RTTN: variants seen among roughly 807,000 people sequenced by gnomAD.
RTTN encodes the protein rotatin.
RTTN carries 182 observed loss-of-function variants against 269.2 expected under a neutral mutation model. The ratio of observed to expected loss-of-function variants is 0.68; its 90% confidence interval spans 0.60 to 0.76. The LOEUF (loss-of-function observed/expected upper bound fraction) is 0.76. Ranked by LOEUF, RTTN falls within the 30% of genes least tolerant of loss-of-function variation. The pLI, the probability that RTTN is intolerant of heterozygous loss-of-function variation, is 0.00. For missense variants in RTTN, 2,545 were observed against 2,608.6 expected, an observed-to-expected ratio of 0.98 and a Z score of 0.53; for synonymous variants, 1,006 against 963.5, an observed-to-expected ratio of 1.04 and a Z score of -0.82.
chr18:70,100,771 G>A (rs1443295601), intron 28 of RTTN, among the ~76,000 whole-genome samples: 1 of 152,126 alleles, frequency 6.6e-6, no homozygotes, highest in Non-Finnish European at 1.5e-5. Context: ...AATTTACTGA[G>A]AGTTTTTAGC....
intron 29 of RTTN, among the ~76,000 whole-genome samples, 193 bp downstream of exon 29, chr18:70,092,483 T>A (rs2058877003): frequency 6.6e-6 from 1 of 152,166 alleles, no homozygotes; most frequent in Admixed American, 6.5e-5. Flanking sequence ...TTGAATCAAT[T>A]TCAAATAAGA....
rs368406992 is a variant in RTTN at position 70,205,286 on chromosome 18, C to A, written c.61G>T (p.Ala21Ser). ...GHQLAEIRER[A>S]LKSILCKIEH... is the part of the protein sequence containing the mutation. The stretch of plus-strand genomic sequence containing the variant: ...ATCTTGCAGAGAATACTCTTGAGAG[C>A]GCGCTCCCTGATCTCGGCCAGCTGA... The change falls in exon 2 of 49, where the codon GCT (alanine) becomes TCT (serine). Residue 21 changes from alanine to serine, a missense_variant. Ala to Ser is a moderately conservative substitution (Grantham distance 99). Transcript: ENST00000640769. 32 of 1,614,072 alleles carry A rather than the reference C, an allele frequency of 2.0e-5. No homozygotes were observed. Among genetic ancestry groups the A allele is most frequent in the Non-Finnish European group, 2.5e-5 (30 of 1,180,040 alleles).
rs2060979744 is a variant in RTTN at position 70,166,135 on chromosome 18, A to ATTCT, written c.1855_1856insAGAA (p.Leu619GlnfsTer16). The ATTCT allele has an allele frequency of 1.2e-6, 2 of 1,613,726 alleles. No individual in the cohort carries two copies. Among genetic ancestry groups the ATTCT allele is most frequent in the African/African-American group, 1.3e-5 (1 of 74,932 alleles). Reference sequence around the variant, plus strand: ...CAATGGGTGAGACAACATATGGAGAAGCACCTTCTGACTTTCTCCTTGTAG... The same window carrying ATTCT: ...CAATGGGTGAGACAACATATGGAGAATTCTGCACCTTCTGACTTTCTCCTTGTAG... On this transcript the variant is annotated frameshift_variant, in exon 14 of 49. Coordinates refer to ENST00000640769, the MANE Select transcript of RTTN (RefSeq NM_173630.4). LOFTEE classifies it high-confidence loss of function.
At chr18:70,187,591 A>G (rs1467582911) in intron 10 of RTTN, among the ~76,000 whole-genome samples, 1 of 152,216 alleles carries the variant, frequency 6.6e-6, no homozygotes, top group Non-Finnish European at 1.5e-5. Flanking sequence ...GTATATCCTT[A>G]GTGAGATTAG....
Position 70,149,998 on chromosome 18 carries a change from A to G in RTTN, c.2145T>C (p.Ser715=). The G allele has an allele frequency of 6.2e-7, 1 of 1,611,836 alleles. No homozygotes were observed. Among genetic ancestry groups the G allele is most frequent in the Non-Finnish European group, 8.5e-7 (1 of 1,178,042 alleles). The change falls in exon 16 of 49, where the codon TCT becomes TCC. Residue 715 remains serine (S), a synonymous_variant. Transcript: ENST00000640769. ...TALTWNKFIE[S]LCPVIPILQG... ...GTAGTATTGGGATGACAGGACAGAG[A>G]GATTCAATAAACTTGTTCCAGGTCA...
chr18:70,016,182 C>A lies in RTTN; in HGVS notation c.6421+1225G>T, dbSNP rs867081575. On this transcript the variant is annotated intron_variant, in intron 46 of 48. Coordinates refer to ENST00000640769, the MANE Select transcript of RTTN (RefSeq NM_173630.4). ...AGCAGTTGATTATCAGAATGCTTAT[C>A]AGAAAAATAGAATCACAACTATATA... Among the ~76,000 whole-genome samples, 76 of 143,284 alleles carry A rather than the reference C, an allele frequency of 5.3e-4. 1 individual carries two copies. The highest frequency in any genetic ancestry group is 1.9e-3 in the African/African-American group (76 of 40,932). 94.0% of individuals were successfully genotyped at this position (143,284 alleles called of 152,430 possible). A position where few individuals can be genotyped will look rare whatever the true frequency, so the allele number is the denominator to read the frequency against.
intron 37 of RTTN, among the ~76,000 whole-genome samples, chr18:70,056,046 T>C (rs2057808068): frequency 6.6e-6 from 1 of 152,216 alleles, no homozygotes; most frequent in Non-Finnish European, 1.5e-5. Context: ...CTTTTTTCCA[T>C]ACCATTTGTG....
chr18:70,090,664 C>G lies in RTTN; in HGVS notation c.4143+1446G>C, dbSNP rs139194482. 3.6e-3 allele frequency among the ~76,000 whole-genome samples: 547 copies of G among 152,316 alleles called. 4 individuals are homozygous for G. The highest frequency in any genetic ancestry group is 0.012 in the African/African-American group (518 of 41,564). Reference sequence around the variant, plus strand: ...ATTCAGAGATCCCCAGGCTGCTAATCCCACCACAGGACTCAAGGGTGGCTT... The same window carrying G: ...ATTCAGAGATCCCCAGGCTGCTAATGCCACCACAGGACTCAAGGGTGGCTT... On this transcript the variant is annotated intron_variant, in intron 30 of 48. Transcript: ENST00000640769.
intron 36 of RTTN, among the ~76,000 whole-genome samples, chr18:70,058,634 A>C (rs2057888352): frequency 6.6e-6 from 1 of 152,228 alleles, no homozygotes; most frequent in Non-Finnish European, 1.5e-5. Flanking sequence ...AAGGTCTTTT[A>C]ATGCCCCTGT....
In RTTN at chr18:70,199,518, A is replaced by G. The variant is rs1419808989; in HGVS notation, c.488-14T>C. On this transcript the variant is annotated splice_polypyrimidine_tract_variant and intron_variant, in intron 4 of 48. Coordinates refer to ENST00000640769, the MANE Select transcript of RTTN (RefSeq NM_173630.4). ...CAGTCTGATTTACTGTCAGTGAAAG[A>G]GCAAATCTTATGGTATCAAAGAATA... 1.9e-5 allele frequency: 29 copies of G among 1,540,576 alleles called. No individual in the cohort carries two copies. The highest frequency in any genetic ancestry group is 2.5e-5 in the Non-Finnish European group (28 of 1,113,894).
chr18:70,137,422 A>G (rs1490350730), intron 21 of RTTN, among the ~76,000 whole-genome samples: 1 of 152,172 alleles, frequency 6.6e-6, no homozygotes, highest in African/African-American at 2.4e-5. Flanking sequence ...GAAGTTATTT[A>G]TTGTACTCAT....
At chr18:70,162,328 T>C (rs1336296897) in intron 14 of RTTN, among the ~76,000 whole-genome samples, 2 of 152,088 alleles carry the variant, frequency 1.3e-5, no homozygotes, top group South Asian at 4.2e-4. Flanking sequence ...GATACAAAGA[T>C]GGGAACAACA....
intron 4 of RTTN, among the ~76,000 whole-genome samples, chr18:70,199,778 G>A (rs2061903476): frequency 6.6e-6 from 1 of 152,192 alleles, no homozygotes; most frequent in African/African-American, 2.4e-5. Context: ...ACTGACATAT[G>A]AAGTTTCCAT....
chr18:70,169,153 C>CCTG, intron 11 of RTTN, 86 bp from the exon 12 acceptor site: 1 of 903,042 alleles, frequency 1.1e-6, no homozygotes, highest in Non-Finnish European at 1.6e-6. Flanking sequence ...TAGTCTTAAT[C>CCTG]TAATCCAACT....
chr18:70,058,813 A>T (rs911993981), intron 36 of RTTN, among the ~76,000 whole-genome samples: 3 of 152,198 alleles, frequency 2.0e-5, no homozygotes, highest in African/African-American at 7.2e-5. Context: ...ATGATCAATA[A>T]ATATTAAAGC....
At chr18:70,185,998 C>T (rs2061535421) in intron 10 of RTTN, among the ~76,000 whole-genome samples, 1 of 146,930 alleles carries the variant, frequency 6.8e-6, no homozygotes, top group South Asian at 2.2e-4. Context: ...AAAAGATGCT[C>T]ATAATCATCA....
intron 40 of RTTN, among the ~76,000 whole-genome samples, chr18:70,046,432 G>A (rs953731781): frequency 4.6e-5 from 7 of 152,130 alleles, no homozygotes; most frequent in Non-Finnish European, 7.4e-5. Context: ...AAGCAGTACC[G>A]TGCTCCAACC....
intron 35 of RTTN, among the ~76,000 whole-genome samples, chr18:70,061,037 C>T (rs139765898): frequency 2.0e-5 from 3 of 152,004 alleles, no homozygotes; most frequent in East Asian, 1.9e-4. Flanking sequence ...TTGGCTATCA[C>T]GAATGGCGTT....
chr18:70,014,080 A>G (rs2056471845), intron 46 of RTTN, among the ~76,000 whole-genome samples: 1 of 152,208 alleles, frequency 6.6e-6, no homozygotes, highest in Non-Finnish European at 1.5e-5. Context: ...CTGTTGTAAA[A>G]CAGAACTTCC....
Sources: allele counts gnomAD v4.1 joint callset (sites outside exome capture counted in the v4.1 genomes callset), GRCh38; gene constraint gnomAD v4.1.1; transcripts MANE v1.5; gene names NCBI Gene and HGNC (gene_info 2026-07-23, HGNC 2026-07-21).